Variants in ALK observed in about 807,000 individuals in gnomAD.
The protein encoded by ALK is ALK receptor tyrosine kinase.
ALK carries 74 observed loss-of-function variants against 163.1 expected under a neutral mutation model. The observed-to-expected ratio is 0.45, with a 90% CI of 0.38 to 0.55. The LOEUF is 0.55. Ranked by LOEUF, ALK falls within the 20% of genes least tolerant of loss-of-function variation. The pLI is 0.00. For missense variants in ALK, 2,063 were observed against 2,105.3 expected, an observed-to-expected ratio of 0.98 and a Z score of 0.39; for synonymous variants, 960 against 843.2, an observed-to-expected ratio of 1.14 and a Z score of -2.40.
intron 1 of ALK, among the ~76,000 whole-genome samples, chr2:29,910,971 C>T (rs1415981409): frequency 6.7e-6 from 1 of 148,678 alleles, no homozygotes; most frequent in African/African-American, 2.4e-5. Context: ...CTGGACGAAA[C>T]AACAACAACA....
At chr2:29,375,898 T>C (rs1201377983) in intron 5 of ALK, among the ~76,000 whole-genome samples, 2 of 152,136 alleles carry the variant, frequency 1.3e-5, no homozygotes, top group South Asian at 2.1e-4. Context: ...AAGCACCTCA[T>C]CCTAAAGTTC....
intron 11 of ALK, among the ~76,000 whole-genome samples, chr2:29,258,614 A>G (rs1665008671): frequency 6.6e-6 from 1 of 152,238 alleles, no homozygotes; most frequent in African/African-American, 2.4e-5. Flanking sequence ...TTTGTACATT[A>G]TTATGAATCC....
intron 1 of ALK, among the ~76,000 whole-genome samples, chr2:29,776,039 T>C (rs900043164): frequency 6.6e-6 from 1 of 152,140 alleles, no homozygotes; most frequent in African/African-American, 2.4e-5. Context: ...CAGCAAACCA[T>C]GTTATTGATG....
chr2:29,317,086 G>C (rs1558666972), intron 8 of ALK, among the ~76,000 whole-genome samples: 2 of 152,196 alleles, frequency 1.3e-5, no homozygotes, highest in Non-Finnish European at 2.9e-5. Flanking sequence ...CGAGGGGCTT[G>C]ATTCTGCCTG....
intron 3 of ALK, among the ~76,000 whole-genome samples, chr2:29,661,441 T>C (rs1300130209): frequency 1.3e-5 from 2 of 152,222 alleles, no homozygotes; most frequent in Non-Finnish European, 2.9e-5. Context: ...CATTGAATGA[T>C]ATTTCCACTT....
Position 29,621,407 on chromosome 2 carries a change from C to T in ALK, c.952+73443G>A, listed in dbSNP as rs116359360. On this transcript the variant is annotated intron_variant, in intron 3 of 28. Coordinates refer to ENST00000389048, the MANE Select transcript of ALK (RefSeq NM_004304.5). The stretch of plus-strand genomic sequence containing the variant: ...GAATTGTGGCCACTTCACTGAAGCC[C>T]TCATCCTCCCAGCCTCTGGCCATTG... 5.9e-3 allele frequency among the ~76,000 whole-genome samples: 902 copies of T among 152,316 alleles called. 5 individuals carry two copies. Among genetic ancestry groups the T allele is most frequent in the Non-Finnish European group, 0.01 (711 of 68,032 alleles).
intron 3 of ALK, among the ~76,000 whole-genome samples, chr2:29,687,931 AC>A (rs1273934794): frequency 6.6e-6 from 1 of 152,186 alleles, no homozygotes; most frequent in Non-Finnish European, 1.5e-5. Flanking sequence ...ACCATCATAA[AC>A]AGCACCAAGA....
intron 4 of ALK, among the ~76,000 whole-genome samples, chr2:29,460,906 G>A (rs958652994): frequency 1.3e-5 from 2 of 152,122 alleles, no homozygotes; most frequent in African/African-American, 4.8e-5. Context: ...CAAAAGCTAG[G>A]CCTCTTGCAC....
intron 1 of ALK, among the ~76,000 whole-genome samples, chr2:29,899,387 C>A (rs1667351106): frequency 6.6e-6 from 1 of 152,202 alleles, no homozygotes; most frequent in Non-Finnish European, 1.5e-5. Context: ...AGGGCTTCTG[C>A]AGCCACCCAT....
rs775832910 is a variant in ALK at position 29,920,629 on chromosome 2, G to C, written c.31C>G (p.Pro11Ala). The change falls in exon 1 of 29, where the codon CCG becomes GCG. Residue 11 changes from proline (P) to alanine (A), a missense_variant. By Grantham distance (27) the Pro-to-Ala change is conservative. Around this residue, in one of 5 missense-constraint regions of ALK, gnomAD observed 987 missense variants for 939.5 expected, o/e 1.05. Transcript: ENST00000389048. MGAIGLLWLL[P>A]LLLSTAAVGS... is the part of the protein sequence containing the mutation. ...ACAGCTGCCGTGGAAAGCAGCAGCG[G>C]CAGGAGCCACAGGAGCCCGATGGCT... The C allele has an allele frequency of 6.5e-7, 1 of 1,541,006 alleles. No individual in the cohort carries two copies. Among genetic ancestry groups the C allele is most frequent in the South Asian group, 1.2e-5 (1 of 84,622 alleles).
chr2:29,559,347 T>C (rs1673952268), intron 3 of ALK, among the ~76,000 whole-genome samples: 1 of 151,894 alleles, frequency 6.6e-6, no homozygotes, highest in Admixed American at 6.6e-5. Flanking sequence ...GGGATCTGAG[T>C]AGGACTGATT....
intron 3 of ALK, among the ~76,000 whole-genome samples, chr2:29,691,739 G>A (rs542037171): frequency 1.2e-4 from 18 of 152,142 alleles, no homozygotes; most frequent in African/African-American, 2.4e-4. Context: ...TGTATTGTGC[G>A]CATGTCAGCG....
At chr2:29,384,941 C>G (rs1668993255) in intron 4 of ALK, among the ~76,000 whole-genome samples, 1 of 152,142 alleles carries the variant, frequency 6.6e-6, no homozygotes, top group East Asian at 1.9e-4. Context: ...GTCCCAGCTA[C>G]TAGGGAGGCT....
chr2:29,232,546 T>C, intron 14 of ALK, 98 bp from the exon 15 acceptor site: 1 of 1,538,734 alleles, frequency 6.5e-7, no homozygotes. Context: ...GGGTTTGCTG[T>C]TTTGGGGTGA....
chr2:29,689,367 C>T (rs752151482), intron 3 of ALK, among the ~76,000 whole-genome samples: 9 of 152,178 alleles, frequency 5.9e-5, no homozygotes, highest in Middle Eastern at 3.2e-3. Context: ...AGAATTTTCC[C>T]GCAAAGTCTG....
intron 1 of ALK, among the ~76,000 whole-genome samples, chr2:29,786,169 A>G (rs1295135953): frequency 2.0e-5 from 3 of 151,832 alleles, no homozygotes; most frequent in Non-Finnish European, 4.4e-5. Flanking sequence ...TCTTGTATTC[A>G]TTTTCTTTGC....
Position 29,892,702 on chromosome 2 carries a change from G to A in ALK, c.667+27291C>T, listed in dbSNP as rs143772235. Among the ~76,000 whole-genome samples the A allele has an allele frequency of 5.0e-3, 758 of 152,216 alleles. 8 individuals carry two copies. The highest frequency in any genetic ancestry group is 0.017 in the African/African-American group (723 of 41,540). ...AAGACTTGACACCATGACCACCCAC[G>A]CTAGAGCCCAGACTGTCCCCACACT... On this transcript the variant is annotated intron_variant, in intron 1 of 28. Transcript: ENST00000389048.
chr2:29,196,210 A>G (rs1669019967), intron 28 of ALK, among the ~76,000 whole-genome samples: 1 of 152,234 alleles, frequency 6.6e-6, no homozygotes, highest in Admixed American at 6.5e-5. Context: ...GATATTTTAC[A>G]TTCCCCACTA....
intron 1 of ALK, among the ~76,000 whole-genome samples, chr2:29,887,525 G>C (rs909395858): frequency 3.3e-5 from 5 of 152,186 alleles, no homozygotes; most frequent in Admixed American, 1.3e-4. Context: ...CTAGATTCAA[G>C]GGGAGGGACA....
Sources: allele counts gnomAD v4.1 joint callset (sites outside exome capture counted in the v4.1 genomes callset), GRCh38; gene constraint gnomAD v4.1.1; regional missense constraint gnomAD v4.1.1; transcripts MANE v1.5; gene names NCBI Gene and HGNC (gene_info 2026-07-23, HGNC 2026-07-21).